Variants in CLIP4 observed in about 807,000 individuals in gnomAD.
CLIP4 encodes CAP-Gly domain containing linker protein family member 4.
A neutral mutation model predicts 73.1 loss-of-function variants in CLIP4; 47 were observed. That is an observed-to-expected ratio of 0.64 (90% CI 0.51 to 0.82). CLIP4 has a LOEUF of 0.82. CLIP4 is among the 40% of genes least tolerant of loss of function. The pLI is 0.00. For synonymous variants in CLIP4, 306 were observed against 295.4 expected, an observed-to-expected ratio of 1.04 and a Z score of -0.37; for missense variants, 874 against 852.9, an observed-to-expected ratio of 1.02 and a Z score of -0.31.
intron 1 of CLIP4, among the ~76,000 whole-genome samples, chr2:29,106,916 C>T (rs1171476167): frequency 6.6e-6 from 1 of 152,154 alleles, no homozygotes; most frequent in Non-Finnish European, 1.5e-5. Flanking sequence ...AAACAATTCT[C>T]ACTTATTTTT....
chr2:29,152,846 G>A lies in CLIP4; in HGVS notation c.1165+18G>A, dbSNP rs775035852. On this transcript the variant is annotated intron_variant, in intron 9 of 15. Coordinates refer to ENST00000320081, the MANE Select transcript of CLIP4 (RefSeq NM_024692.6). ...AAATACTGGTAGGTCAAACCAGAAA[G>A]TTAACCATCTGCTTCAGTGTTTTAA... 48 of 1,608,772 alleles carry A rather than the reference G, an allele frequency of 3.0e-5. No individual in the cohort carries two copies. The highest frequency in any genetic ancestry group is 3.8e-5 in the Non-Finnish European group (45 of 1,178,486).
In CLIP4 at chr2:29,181,054, A is replaced by T. The variant is rs1184923025; in HGVS notation, c.1797-518A>T. Among the ~76,000 whole-genome samples, 4 of 151,960 alleles carry T rather than the reference A, an allele frequency of 2.6e-5. No homozygotes were observed. In the East Asian group the frequency reaches 7.7e-4, roughly 29 times the overall value. On this transcript the variant is annotated intron_variant, in intron 15 of 15. Coordinates refer to ENST00000320081, the MANE Select transcript of CLIP4 (RefSeq NM_024692.6). ...GTTGAAAATCAGTGTGTAACTTTGG[A>T]CTCCCCCAAAACTTAACTACTGATA...
Position 29,152,679 on chromosome 2 carries a change from C to T in CLIP4, c.1022-6C>T. The stretch of plus-strand genomic sequence containing the variant: ...TTTAACACTAAAATTCTGCATTCTC[C>T]CTTAGGTATTTTTGCACCTCTTTCA... On this transcript the variant is annotated splice_region_variant and splice_polypyrimidine_tract_variant and intron_variant, in intron 8 of 15. Transcript: ENST00000320081. 6.2e-7 allele frequency: 1 copy of T among 1,611,760 alleles called. No individual in the cohort carries two copies.
At chr2:29,144,012 A>AGACG (rs1254085024) in intron 7 of CLIP4, 67 bp downstream of exon 7, 5 of 1,342,842 alleles carry the variant, frequency 3.7e-6, no homozygotes, top group East Asian at 4.6e-5. Flanking sequence ...TCAAGGACAC[A>AGACG]GTATGGTCAG....
At chr2:29,171,877 A>G (rs1028081729) in intron 14 of CLIP4, among the ~76,000 whole-genome samples, 10 of 151,974 alleles carry the variant, frequency 6.6e-5, no homozygotes, top group African/African-American at 2.4e-4. Flanking sequence ...AGTCTTACTC[A>G]TTTGCATTTA....
upstream of CLIP4, among the ~76,000 whole-genome samples, chr2:29,110,522 C>A (rs1668358736): frequency 6.6e-6 from 1 of 152,082 alleles, no homozygotes; most frequent in Non-Finnish European, 1.5e-5. Context: ...TTGCCATTTA[C>A]TGACATAGGG....
upstream of CLIP4, among the ~76,000 whole-genome samples, chr2:29,113,451 A>G (rs965948333): frequency 6.6e-6 from 1 of 152,194 alleles, no homozygotes; most frequent in Non-Finnish European, 1.5e-5. This position sits in a 1 kb window ranked among gnomAD's most constrained non-coding sequence, Gnocchi z 4.0. Context: ...CTGGTTCTAA[A>G]GCTTGTATGT....
intron 3 of CLIP4, 67 bp downstream of exon 3, chr2:29,131,464 A>G (rs961537293): frequency 2.7e-6 from 4 of 1,487,414 alleles, no homozygotes; most frequent in Admixed American, 4.8e-5. Context: ...TTTTTTCCCC[A>G]TCTGAAAGGA....
Position 29,120,197 on chromosome 2 carries a change from A to G in CLIP4, c.-15-1177A>G, listed in dbSNP as rs1664160880. 2.6e-5 allele frequency among the ~76,000 whole-genome samples: 4 copies of G among 152,182 alleles called. No individual in the cohort carries two copies. In the South Asian group the frequency reaches 8.3e-4, roughly 32 times the overall value. ...CAAGAAAATGTGAATACCTTAAAAT[A>G]GTAACAACTGGATTAGGTTACCTAA... On this transcript the variant is annotated intron_variant, in intron 1 of 15. Transcript: ENST00000320081.
intron 8 of CLIP4, among the ~76,000 whole-genome samples, chr2:29,146,076 T>C (rs757979752): frequency 2.0e-5 from 3 of 152,146 alleles, no homozygotes; most frequent in African/African-American, 4.8e-5. Flanking sequence ...CTCAATGATG[T>C]TTTTGGGAAA....
rs1363704915 is a variant in CLIP4 at position 29,133,779 on chromosome 2, A to G, written c.492A>G (p.Glu164=). The G allele has an allele frequency of 6.2e-7, 1 of 1,610,814 alleles. No individual in the cohort carries two copies. The highest frequency in any genetic ancestry group is 2.2e-5 in the East Asian group (1 of 44,848). The change falls in exon 5 of 16, where the codon GAA becomes GAG. Residue 164 remains glutamate (E), a synonymous_variant. Coordinates refer to ENST00000320081, the MANE Select transcript of CLIP4 (RefSeq NM_024692.6). ...LHYAAYFDVP[E]LIRVILKTSK... ...ATGCTGCTTATTTTGATGTCCCTGA[A>G]CTTATAAGAGTGATTTTGAAAACAT... is the stretch of plus-strand genomic sequence containing the variant.
chr2:29,140,274 C>T (rs1382481119), intron 6 of CLIP4, among the ~76,000 whole-genome samples: 1 of 152,120 alleles, frequency 6.6e-6, no homozygotes, highest in Non-Finnish European at 1.5e-5. Context: ...GTTCCCCTTC[C>T]TGTGTCCATG....
At chr2:29,180,000 A>G (rs1292019885) in intron 15 of CLIP4, among the ~76,000 whole-genome samples, 2 of 152,216 alleles carry the variant, frequency 1.3e-5, no homozygotes, top group Admixed American at 1.3e-4. Flanking sequence ...GGTTAATAGG[A>G]ACAAATGAGA....
At chr2:29,136,684 C>T (rs1014860928) in intron 6 of CLIP4, among the ~76,000 whole-genome samples, 4 of 151,902 alleles carry the variant, frequency 2.6e-5, no homozygotes, top group African/African-American at 9.7e-5. Context: ...CTTACATAGG[C>T]AAGAATTAAA....
At chr2:29,163,387 G>A (rs1667412045) in intron 12 of CLIP4, among the ~76,000 whole-genome samples, 1 of 152,034 alleles carries the variant, frequency 6.6e-6, no homozygotes, top group Non-Finnish European at 1.5e-5. Flanking sequence ...AGCACTGTTT[G>A]TGGTGTTCTA....
At chr2:29,160,561 TTGA>T in intron 12 of CLIP4, 94 bp downstream of exon 12, 1 of 1,423,346 alleles carries the variant, frequency 7.0e-7, no homozygotes, top group Non-Finnish European at 9.6e-7. Context: ...TAGAGAAATC[TTGA>T]TGAACAGTTT....
chr2:29,135,228 C>A (rs114551120), intron 5 of CLIP4, among the ~76,000 whole-genome samples: 9 of 152,280 alleles, frequency 5.9e-5, no homozygotes, highest in African/African-American at 1.7e-4. Flanking sequence ...ATGCAACAGA[C>A]TTAATGGGAG....
intron 8 of CLIP4, among the ~76,000 whole-genome samples, chr2:29,150,967 CTTATAATG>C (rs1417870076): frequency 1.3e-5 from 2 of 151,996 alleles, no homozygotes. Context: ...TCTTTATTGT[CTTATAATG>C]TTATAATGAT....
intron 7 of CLIP4, among the ~76,000 whole-genome samples, chr2:29,144,853 AGT>A (rs1266725591): frequency 8.5e-6 from 1 of 117,366 alleles, no homozygotes; most frequent in Non-Finnish European, 1.6e-5. Flanking sequence ...CCTAGGCTGG[AGT>A]GCAGTGGCAC....
Sources: allele counts gnomAD v4.1 joint callset (sites outside exome capture counted in the v4.1 genomes callset), GRCh38; gene constraint gnomAD v4.1.1; non-coding constraint Gnocchi (gnomAD v3.1); transcripts MANE v1.5; gene names NCBI Gene and HGNC (gene_info 2026-07-23, HGNC 2026-07-21).